Variants in TTC1 observed in about 807,000 individuals in gnomAD.
TTC1 encodes tetratricopeptide repeat domain 1.
In TTC1, 31 loss-of-function variants were observed where a neutral mutation model predicts 37.6. The ratio of observed to expected loss-of-function variants is 0.82; its 90% CI spans 0.62 to 1.11. The LOEUF (loss-of-function observed/expected upper bound fraction) is 1.11. Among genes scored for constraint, TTC1 ranks in the 50% most tolerant of loss-of-function variants. TTC1 has a pLI of 0.00. For missense variants in TTC1, 351 were observed against 339.0 expected (o/e 1.04, Z -0.28); for synonymous variants, 127 against 122.4 (o/e 1.04, Z -0.25).
At chr5:160,012,485 C>T (rs1317262384) in intron 2 of TTC1, among the ~76,000 whole-genome samples, 2 of 151,998 alleles carry the variant, frequency 1.3e-5, no homozygotes, top group African/African-American at 4.8e-5. Context: ...CCCACCTCAG[C>T]CTCCTGAGCA....
intron 2 of TTC1, among the ~76,000 whole-genome samples, chr5:160,017,044 G>A (rs1449088072): frequency 6.6e-6 from 1 of 152,216 alleles, no homozygotes; most frequent in Non-Finnish European, 1.5e-5. Context: ...TTAACTATTT[G>A]TGAAAGCTTA....
At chr5:160,022,199 G>T (rs535225013) in intron 2 of TTC1, among the ~76,000 whole-genome samples, 1 of 152,150 alleles carries the variant, frequency 6.6e-6, no homozygotes, top group South Asian at 2.1e-4. Flanking sequence ...GATAGATGGG[G>T]TATACACTTA....
chr5:160,043,852 T>G (rs1278672283), intron 5 of TTC1, among the ~76,000 whole-genome samples: 1 of 152,220 alleles, frequency 6.6e-6, no homozygotes, highest in African/African-American at 2.4e-5. Flanking sequence ...TTTCAGATTC[T>G]ACACAATGAA....
chr5:160,019,848 G>A (rs2113348568), intron 2 of TTC1, among the ~76,000 whole-genome samples: 1 of 151,214 alleles, frequency 6.6e-6, no homozygotes, highest in East Asian at 2.0e-4. Flanking sequence ...CCAAAGTTCT[G>A]GGATTATAGG....
intron 2 of TTC1, among the ~76,000 whole-genome samples, chr5:160,019,486 A>G (rs1325420006): frequency 6.6e-6 from 1 of 152,112 alleles, no homozygotes; most frequent in Non-Finnish European, 1.5e-5. Flanking sequence ...TTGCTTCCAA[A>G]AAGTTCTCAG....
chr5:160,065,395 G>A lies in TTC1; in HGVS notation c.*330G>A, dbSNP rs1300696516. 4 of 489,156 alleles carry A rather than the reference G, an allele frequency of 8.2e-6. No homozygotes were observed. The highest frequency in any genetic ancestry group is 1.9e-5 in the African/African-American group (1 of 51,506). The allele number at this position is 489,156 out of a possible 1,614,324, so 30.3% of individuals were successfully genotyped here. ...ACACAGCCCAGCAAAAGCCTCTCCT[G>A]AACCAAACAAACCTGTTGGTTGGGA... On this transcript the variant is annotated 3_prime_UTR_variant, in exon 8 of 8. Transcript: ENST00000231238.
At chr5:160,038,366 T>C (rs904730497) in intron 4 of TTC1, among the ~76,000 whole-genome samples, 1 of 152,210 alleles carries the variant, frequency 6.6e-6, no homozygotes, top group Non-Finnish European at 1.5e-5. Context: ...AGACTGGACA[T>C]TGTCATTGTG....
rs896429071 is a variant in TTC1 at position 160,010,926 on chromosome 5, A to G, written c.330+68A>G. 2.9e-6 allele frequency: 4 copies of G among 1,385,596 alleles called. No homozygotes were observed. In the African/African-American group the frequency reaches 4.3e-5, roughly 15 times the overall value. The allele number at this position is 1,385,596 out of a possible 1,614,324, so 85.8% of individuals were successfully genotyped here. A position where few individuals can be genotyped will look rare whatever the true frequency, so the allele number is the denominator to read the frequency against. ...CATTTTAAAATGTGGTCGATACTGT[A>G]TCATAGACCACCTCATCTGTGGTAA... On this transcript the variant is annotated intron_variant, in intron 2 of 7. Coordinates refer to ENST00000231238, the MANE Select transcript of TTC1 (RefSeq NM_003314.3).
chr5:160,064,074 T>C (rs1753522863), intron 7 of TTC1, among the ~76,000 whole-genome samples: 1 of 150,618 alleles, frequency 6.6e-6, no homozygotes, highest in Non-Finnish European at 1.5e-5. Flanking sequence ...GTGCAAACGA[T>C]TGTCCTGCCT....
intron 7 of TTC1, among the ~76,000 whole-genome samples, chr5:160,053,754 A>G (rs2113403453): frequency 6.6e-6 from 1 of 152,298 alleles, no homozygotes; most frequent in Non-Finnish European, 1.5e-5. Context: ...GATCACCTTG[A>G]GTAGTACAAA....
chr5:160,026,555 T>C (rs1416004311), intron 2 of TTC1, among the ~76,000 whole-genome samples: 1 of 152,234 alleles, frequency 6.6e-6, no homozygotes, highest in Non-Finnish European at 1.5e-5. Flanking sequence ...TTATGAAATA[T>C]CCCCTTTTTT....
chr5:160,030,106 T>C (rs1756883204), intron 2 of TTC1, among the ~76,000 whole-genome samples: 2 of 152,372 alleles, frequency 1.3e-5, no homozygotes, highest in South Asian at 4.1e-4. Context: ...AAAAGCAGTA[T>C]GTACAGTCTG....
At chr5:160,044,258 C>A (rs1392151184) in intron 5 of TTC1, among the ~76,000 whole-genome samples, 1 of 152,104 alleles carries the variant, frequency 6.6e-6, no homozygotes, top group Non-Finnish European at 1.5e-5. Flanking sequence ...GGGTCCTGAT[C>A]CAGACCCCAA....
chr5:160,017,170 G>A (rs1048285246), intron 2 of TTC1, among the ~76,000 whole-genome samples: 1 of 152,222 alleles, frequency 6.6e-6, no homozygotes, highest in African/African-American at 2.4e-5. Flanking sequence ...GACAAATGTA[G>A]CAGCAGAAGA....
rs184804083 is a variant in TTC1, at chr5:160,022,627, T to C, written c.330+11769T>C. Among the ~76,000 whole-genome samples, 5 of 152,246 alleles carry C rather than the reference T, an allele frequency of 3.3e-5. No homozygotes were observed. The East Asian group carries it at 9.6e-4, about 29-fold the overall frequency. Reference sequence around the variant, plus strand: ...CAGATAGGGGTACTATGTTAGTAAATAGGAAATTACAAGGTAAGATTATAG... The same window carrying C: ...CAGATAGGGGTACTATGTTAGTAAACAGGAAATTACAAGGTAAGATTATAG... On this transcript the variant is annotated intron_variant, in intron 2 of 7. Transcript: ENST00000231238.
intron 6 of TTC1, among the ~76,000 whole-genome samples, chr5:160,050,070 G>T (rs1757361528): frequency 1.3e-5 from 2 of 151,962 alleles, no homozygotes; most frequent in Non-Finnish European, 1.5e-5. Flanking sequence ...GGATCATTGA[G>T]CCCAGGAGTT....
intron 6 of TTC1, among the ~76,000 whole-genome samples, chr5:160,050,826 A>G (rs1044309133): frequency 2.0e-5 from 3 of 151,908 alleles, no homozygotes; most frequent in Admixed American, 6.6e-5. Context: ...GCATTTTGCC[A>G]TGTTGCCCAA....
At chr5:160,036,570 C>T (rs1171099760) in intron 3 of TTC1, 121 bp from the exon 4 acceptor site, 5 of 668,804 alleles carry the variant, frequency 7.5e-6, no homozygotes. Flanking sequence ...TAGACTGTTA[C>T]CATCTTTTAA....
At chr5:160,054,473 G>A (rs1303446471) in intron 7 of TTC1, among the ~76,000 whole-genome samples, 1 of 152,186 alleles carries the variant, frequency 6.6e-6, no homozygotes, top group African/African-American at 2.4e-5. Flanking sequence ...AAATTAGCCA[G>A]GCGTGGTAGC....
Sources: allele counts gnomAD v4.1 joint callset (sites outside exome capture counted in the v4.1 genomes callset), GRCh38; gene constraint gnomAD v4.1.1; transcripts MANE v1.5; gene names NCBI Gene and HGNC (gene_info 2026-07-23, HGNC 2026-07-21).